Variants in EXOC4 observed in about 807,000 individuals in gnomAD.
EXOC4 encodes exocyst complex component 4, also known as SEC8-like 1.
Under a neutral mutation model 107.2 loss-of-function variants are expected in EXOC4, and 71 were observed. The observed-to-expected ratio is 0.66, with a 90% CI of 0.55 to 0.81. EXOC4 has a LOEUF of 0.81. EXOC4 is among the 30% of genes least tolerant of loss of function. The pLI is 0.00. For synonymous variants in EXOC4, 456 were observed against 441.2 expected, an observed-to-expected ratio of 1.03 and a Z score of -0.42; for missense variants, 1,108 against 1,189.6, an observed-to-expected ratio of 0.93 and a Z score of 1.01.
At chr7:133,470,036 G>A (rs1798833465) in intron 7 of EXOC4, among the ~76,000 whole-genome samples, 1 of 152,188 alleles carries the variant, frequency 6.6e-6, no homozygotes, top group African/African-American at 2.4e-5. Context: ...TTATAAGCAT[G>A]GCTACCAGAG....
intron 5 of EXOC4, among the ~76,000 whole-genome samples, chr7:133,335,606 T>C (rs901746800): frequency 6.6e-6 from 1 of 152,196 alleles, no homozygotes; most frequent in African/African-American, 2.4e-5. Context: ...CATGTGTCAA[T>C]GGACATTTGG....
At chr7:134,009,430 C>G (rs1794717961) in intron 17 of EXOC4, among the ~76,000 whole-genome samples, 1 of 152,180 alleles carries the variant, frequency 6.6e-6, no homozygotes. Flanking sequence ...TGTTCCATTG[C>G]TACCCTGTTC....
intron 3 of EXOC4, among the ~76,000 whole-genome samples, chr7:133,296,556 T>C (rs1402475779): frequency 2.6e-5 from 4 of 152,144 alleles, no homozygotes; most frequent in African/African-American, 9.7e-5. Flanking sequence ...TTTTCTCTTA[T>C]AGAGTAGAAG....
At chr7:133,581,757 CAAAAAAAAA>C (rs71162005) in intron 9 of EXOC4, among the ~76,000 whole-genome samples, 1 of 82,912 alleles carries the variant, frequency 1.2e-5, no homozygotes, top group Admixed American at 1.4e-4. Context: ...GACTCCGTCT[CAAAAAAAAA>C]AAAAAAAAAA....
chr7:133,330,683 TCCCTCAC>T (rs1351493208), intron 5 of EXOC4, among the ~76,000 whole-genome samples: 1 of 101,312 alleles, frequency 9.9e-6, no homozygotes, highest in Admixed American at 1.1e-4. Context: ...TCCCTCACAG[TCCCTCAC>T]AGCTTCTGTT....
intron 17 of EXOC4, among the ~76,000 whole-genome samples, chr7:134,048,239 G>T (rs553060488): frequency 1.6e-4 from 25 of 152,314 alleles, no homozygotes; most frequent in African/African-American, 5.8e-4. Flanking sequence ...ATTTGGGGAG[G>T]TTCAGAATTT....
At position 133,275,142 on chromosome 7, in the gene EXOC4, A is replaced by G. The variant is rs780070557; in HGVS notation, c.247A>G (p.Ile83Val). 6.2e-7 allele frequency: 1 copy of G among 1,602,196 alleles called. No homozygotes were observed. The highest frequency in any genetic ancestry group is 8.5e-7 in the Non-Finnish European group (1 of 1,174,140). ...IRTYQSITER[I>V]TNSRNKIKQV... ...CACATACCAGAGCATCACAGAGCGC[A>G]TCACTAACTCCCGAAATAAAATAAA... Residue 83 changes from isoleucine (I) to valine (V), a missense_variant, in exon 2 of 18, where the codon ATC (isoleucine) becomes GTC (valine). Ile to Val is a conservative substitution (Grantham distance 29). Coordinates refer to ENST00000253861, the MANE Select transcript of EXOC4 (RefSeq NM_021807.4).
chr7:134,081,446 G>A, the EXOC4 span, among the ~76,000 whole-genome samples: 10 of 152,120 alleles, frequency 6.6e-5, no homozygotes, highest in South Asian at 1.9e-3. Flanking sequence ...ATTGCCATTT[G>A]ACATTCTGTA....
chr7:133,641,849 C>T (rs4731970), intron 10 of EXOC4, among the ~76,000 whole-genome samples: 64,328 of 151,978 alleles, frequency 0.42, 14,509 homozygotes, highest in Admixed American at 0.56. Context: ...TGAACAGGTT[C>T]GATAGAGGTG....
chr7:133,808,851 G>A (rs1036017060), intron 10 of EXOC4, among the ~76,000 whole-genome samples: 9 of 152,192 alleles, frequency 5.9e-5, no homozygotes, highest in Non-Finnish European at 1.3e-4. Flanking sequence ...CCTTAGAGTG[G>A]TGTGCAGAAA....
In EXOC4 at chr7:133,927,137, A is replaced by G. The variant is rs1800069831; in HGVS notation, c.2027+9399A>G. 1.4e-4 allele frequency among the ~76,000 whole-genome samples: 9 copies of G among 65,278 alleles called. No individual in the cohort carries two copies. In the South Asian group the frequency reaches 3.7e-3, roughly 27 times the overall value. The allele number at this position is 65,278 out of a possible 152,430, so 42.8% of individuals were successfully genotyped here. ...CCTCAAATGAAAGAAATAAAATGTA[A>G]AAAAAAAAAAAAATGGGGAGGCCTC... On this transcript the variant is annotated intron_variant, in intron 13 of 17. Coordinates refer to ENST00000253861, the MANE Select transcript of EXOC4 (RefSeq NM_021807.4).
chr7:133,354,965 C>CT (rs1795991217), intron 5 of EXOC4, among the ~76,000 whole-genome samples: 1 of 152,148 alleles, frequency 6.6e-6, no homozygotes, highest in Non-Finnish European at 1.5e-5. Flanking sequence ...ACTCTGCAGT[C>CT]TTCCCAGAAT....
intron 1 of EXOC4, among the ~76,000 whole-genome samples, chr7:133,270,876 G>T (rs1793852423): frequency 6.6e-6 from 1 of 151,282 alleles, no homozygotes; most frequent in African/African-American, 2.4e-5. Context: ...GCTAGCATGT[G>T]TGAGAACTTT....
At chr7:133,923,128 CTTTTT>C (rs35715979) in intron 13 of EXOC4, among the ~76,000 whole-genome samples, 1 of 126,540 alleles carries the variant, frequency 7.9e-6, no homozygotes, top group Non-Finnish European at 1.6e-5. Flanking sequence ...AGAGTTTACA[CTTTTT>C]TTTTTTTTTT....
chr7:133,850,907 C>T (rs1350074087), intron 11 of EXOC4, among the ~76,000 whole-genome samples: 1 of 152,124 alleles, frequency 6.6e-6, no homozygotes, highest in African/African-American at 2.4e-5. Context: ...AGATGACTAT[C>T]ATGTTTCCTG....
intron 7 of EXOC4, among the ~76,000 whole-genome samples, chr7:133,461,640 T>C (rs1365924754): frequency 2.0e-5 from 3 of 152,196 alleles, no homozygotes; most frequent in African/African-American, 7.2e-5. Context: ...GTGGCACTTA[T>C]CTCATTGGAG....
intron 6 of EXOC4, among the ~76,000 whole-genome samples, chr7:133,374,173 G>A (rs1584863760): frequency 6.6e-6 from 1 of 152,194 alleles, no homozygotes; most frequent in Admixed American, 6.5e-5. Flanking sequence ...TAGCTGCACT[G>A]CAACCTTATT....
intron 9 of EXOC4, among the ~76,000 whole-genome samples, chr7:133,595,890 C>T (rs1801657777): frequency 6.6e-6 from 1 of 152,158 alleles, no homozygotes; most frequent in East Asian, 1.9e-4. Flanking sequence ...ATCTACCCAC[C>T]TTGCCTCTGT....
chr7:133,710,751 T>C (rs2151096394), intron 10 of EXOC4, among the ~76,000 whole-genome samples: 1 of 151,836 alleles, frequency 6.6e-6, no homozygotes, highest in African/African-American at 2.4e-5. Flanking sequence ...TAATATGCAG[T>C]CAGAGAGACA....
Sources: allele counts gnomAD v4.1 joint callset (sites outside exome capture counted in the v4.1 genomes callset), GRCh38; gene constraint gnomAD v4.1.1; transcripts MANE v1.5; gene names NCBI Gene and HGNC (gene_info 2026-07-23, HGNC 2026-07-21).